Variants in TMED3 observed in about 807,000 individuals in gnomAD.
The protein encoded by TMED3 is transmembrane p24 trafficking protein 3.
Under a neutral mutation model 15.0 loss-of-function variants are expected in TMED3, and 9 were observed. The observed-to-expected ratio is 0.60, with a 90% CI of 0.36 to 1.04. The LOEUF is 1.04. Among genes scored for constraint, TMED3 ranks in the 50% least tolerant of loss-of-function variants. The pLI, the probability that TMED3 is intolerant of heterozygous loss-of-function variation, is 0.01. For missense variants in TMED3, 267 were observed against 278.9 expected (o/e 0.96, Z 0.30); for synonymous variants, 117 against 121.4 (o/e 0.96, Z 0.24).
intron 2 of TMED3, among the ~76,000 whole-genome samples, chr15:79,356,859 G>A (rs28495402): frequency 6.6e-6 from 1 of 152,054 alleles, no homozygotes; most frequent in Non-Finnish European, 1.5e-5. Context: ...ATATTCATCA[G>A]TAAGTTAAAT....
intron 2 of TMED3, among the ~76,000 whole-genome samples, chr15:79,401,549 T>C (rs1468374965): frequency 6.6e-6 from 1 of 151,924 alleles, no homozygotes; most frequent in Non-Finnish European, 1.5e-5. Flanking sequence ...GGGATGTTGC[T>C]AAACATCCTG....
At chr15:79,347,602 G>A (rs2058875679) in intron 2 of TMED3, among the ~76,000 whole-genome samples, 1 of 152,146 alleles carries the variant, frequency 6.6e-6, no homozygotes, top group Non-Finnish European at 1.5e-5. Flanking sequence ...ATCCTTGTTT[G>A]CAGATGACAT....
chr15:79,370,044 G>A (rs1567034581), intron 2 of TMED3, among the ~76,000 whole-genome samples: 1 of 152,158 alleles, frequency 6.6e-6, no homozygotes, highest in Non-Finnish European at 1.5e-5. Flanking sequence ...ACAGTTAGAC[G>A]AACTTGCCCT....
In TMED3 at chr15:79,311,154, C is replaced by T. The variant is rs1254345211; in HGVS notation, c.-96C>T. 4 of 1,383,724 alleles carry T rather than the reference C, an allele frequency of 2.9e-6. No homozygotes were observed. Among genetic ancestry groups the T allele is most frequent in the Non-Finnish European group, 2.9e-6 (3 of 1,042,676 alleles). The allele number at this position is 1,383,724 out of a possible 1,614,324, so 85.7% of individuals were successfully genotyped here. A position where few individuals can be genotyped will look rare whatever the true frequency, so the allele number is the denominator to read the frequency against. On this transcript the variant is annotated 5_prime_UTR_variant, in exon 1 of 3. Coordinates refer to ENST00000299705, the MANE Select transcript of TMED3 (RefSeq NM_007364.4). ...GCTCCGCTGGTGCCACGTCTATCCC[C>T]TTACATCCTCCTAGGACCCGGTCGG... is the stretch of plus-strand genomic sequence containing the variant.
chr15:79,319,659 G>A (rs747702932), intron 2 of TMED3, among the ~76,000 whole-genome samples: 5 of 152,122 alleles, frequency 3.3e-5, no homozygotes, highest in Non-Finnish European at 7.4e-5. Flanking sequence ...TAGTGGCCCC[G>A]AATGCCAGGC....
chr15:79,329,000 G>A (rs2058797676), intron 2 of TMED3, among the ~76,000 whole-genome samples: 1 of 152,190 alleles, frequency 6.6e-6, no homozygotes, highest in Admixed American at 6.5e-5. Flanking sequence ...CCCCTGTCTG[G>A]GTGGAATCCA....
chr15:79,332,359 G>T (rs2058812464), intron 2 of TMED3, among the ~76,000 whole-genome samples: 1 of 152,258 alleles, frequency 6.6e-6, no homozygotes, highest in African/African-American at 2.4e-5. Context: ...ACTCTCAGAT[G>T]TGGTGATGCC....
chr15:79,393,718 C>T (rs923415749), intron 2 of TMED3, among the ~76,000 whole-genome samples: 22 of 152,260 alleles, frequency 1.4e-4, no homozygotes, highest in African/African-American at 5.3e-4. Context: ...TTTTTTATGA[C>T]AGGGTCTTAC....
intron 2 of TMED3, among the ~76,000 whole-genome samples, chr15:79,404,633 C>T (rs966834476): frequency 6.6e-6 from 1 of 152,198 alleles, no homozygotes; most frequent in Non-Finnish European, 1.5e-5. Flanking sequence ...TCCTTCTGAC[C>T]TCTGATCTCC....
downstream of TMED3, among the ~76,000 whole-genome samples, chr15:79,325,637 A>C (rs1001807421): frequency 6.6e-5 from 10 of 152,196 alleles, no homozygotes; most frequent in Non-Finnish European, 4.4e-5. Context: ...GTCCTCTGCC[A>C]GCTGAGGAGC....
At chr15:79,355,059 A>G (rs2058913413) in intron 2 of TMED3, among the ~76,000 whole-genome samples, 1 of 152,202 alleles carries the variant, frequency 6.6e-6, no homozygotes, top group East Asian at 1.9e-4. Context: ...TTACATACCC[A>G]CTTGGTACCA....
rs1215297680 is a variant in TMED3, at chr15:79,322,606, C to G, written c.*392C>G. On this transcript the variant is annotated 3_prime_UTR_variant, in exon 3 of 3. Coordinates refer to ENST00000299705, the MANE Select transcript of TMED3 (RefSeq NM_007364.4). ...GGGTCATTTGTCTTGGGTGTCCTAT[C>G]CCATATGGAGAAGAAAGGGGCTCTA... is the stretch of plus-strand genomic sequence containing the variant. 2 of 1,009,098 alleles carry G rather than the reference C, an allele frequency of 2.0e-6. No individual in the cohort carries two copies. The highest frequency in any genetic ancestry group is 3.5e-5 in the African/African-American group (2 of 57,960). The allele number at this position is 1,009,098 out of a possible 1,614,324, so 62.5% of individuals were successfully genotyped here.
exon 3 of TMED3, chr15:79,413,215 G>T (rs183076522): frequency 6.6e-6 from 1 of 152,150 alleles, no homozygotes; most frequent in African/African-American, 2.4e-5. Flanking sequence ...TTCTGAACCC[G>T]CACATGTACC....
intron 2 of TMED3, among the ~76,000 whole-genome samples, chr15:79,408,419 A>G (rs1295184558): frequency 6.6e-6 from 1 of 152,210 alleles, no homozygotes; most frequent in East Asian, 1.9e-4. Flanking sequence ...AGCTTAAGAC[A>G]CTGACTCCCG....
chr15:79,375,023 C>A (rs1486381156), intron 2 of TMED3, among the ~76,000 whole-genome samples: 1 of 152,186 alleles, frequency 6.6e-6, no homozygotes, highest in East Asian at 1.9e-4. Flanking sequence ...AATCTTATGT[C>A]TTCACAATGC....
downstream of TMED3, among the ~76,000 whole-genome samples, chr15:79,323,456 TTTC>T (rs1303400124): frequency 2.0e-5 from 3 of 151,752 alleles, no homozygotes; most frequent in Non-Finnish European, 4.4e-5. Flanking sequence ...GTTTTTGCTA[TTTC>T]TTTTCTCTTA....
At chr15:79,323,271 G>A (rs1312236572), downstream of TMED3, among the ~76,000 whole-genome samples, 2 of 152,202 alleles carry the variant, frequency 1.3e-5, no homozygotes. Flanking sequence ...AGTAGGTCTG[G>A]AGGGAAGATA....
intron 2 of TMED3, among the ~76,000 whole-genome samples, chr15:79,335,619 G>A (rs1370003012): frequency 1.3e-5 from 2 of 152,038 alleles, no homozygotes; most frequent in Non-Finnish European, 2.9e-5. Flanking sequence ...AAAGGAAAGG[G>A]GCCATCACAA....
chr15:79,321,863 CT>C (rs1169549776), intron 2 of TMED3, 114 bp from the exon 3 acceptor site: 1 of 1,275,588 alleles, frequency 7.8e-7, no homozygotes, highest in African/African-American at 1.5e-5. Flanking sequence ...AGCACAGACT[CT>C]TAGTTAGCAT....
Sources: allele counts gnomAD v4.1 joint callset (sites outside exome capture counted in the v4.1 genomes callset), GRCh38; gene constraint gnomAD v4.1.1; transcripts MANE v1.5; gene names NCBI Gene and HGNC (gene_info 2026-07-23, HGNC 2026-07-21).